The following IBA57 variants were observed in gnomAD, a reference collection of about 807,000 sequenced individuals.
The protein encoded by IBA57 is iron-sulfur cluster assembly factor IBA57, mitochondrial.
In IBA57, 20 loss-of-function variants were observed where a neutral mutation model predicts 20.4. That is an observed-to-expected ratio of 0.98 (90% CI 0.69 to 1.42). The LOEUF (loss-of-function observed/expected upper bound fraction) is 1.42, where lower values mean the gene tolerates loss of function less well. Ranked by LOEUF, IBA57 falls within the 40% of genes most tolerant of loss-of-function variation. The probability of loss-of-function intolerance (pLI) is 0.00; values close to 1 mark genes in which losing one functional copy is unlikely to be tolerated. For missense variants in IBA57, 608 were observed against 499.3 expected (o/e 1.22, Z -2.07); for synonymous variants, 310 against 233.9 (o/e 1.33, Z -2.97).
At chr1:228,174,635 C>T (rs2034977259) in intron 1 of IBA57, 57 bp from the exon 2 acceptor site, 3 of 1,436,744 alleles carry the variant, frequency 2.1e-6, no homozygotes, top group Non-Finnish European at 1.8e-6. Context: ...CTCATGCAGC[C>T]CTTTCTGGCC....
Position 228,174,491 on chromosome 1 carries a change from G to A in IBA57, c.342-201G>A, listed in dbSNP as rs1289061537. The A allele has an allele frequency of 4.7e-6, 2 of 425,008 alleles. 1 individual carries two copies. Among genetic ancestry groups the A allele is most frequent in the Admixed American group, 9.1e-5 (2 of 22,008 alleles). 26.3% of individuals were successfully genotyped at this position (425,008 alleles called of 1,614,324 possible). A position where few individuals can be genotyped will look rare whatever the true frequency, so the allele number is the denominator to read the frequency against. Reference sequence around the variant, plus strand: ...TGTGGGCGTGGCTCGCTGTGGGCGTGGCTCGCTGTGGGCGTGGCTCCCTGC... The same window carrying A: ...TGTGGGCGTGGCTCGCTGTGGGCGTAGCTCGCTGTGGGCGTGGCTCCCTGC... On this transcript the variant is annotated intron_variant, in intron 1 of 2. Coordinates refer to ENST00000366711, the MANE Select transcript of IBA57 (RefSeq NM_001010867.4).
At chr1:228,166,202 A>C in intron 1 of IBA57, 45 bp downstream of exon 1, 1 of 1,062,814 alleles carries the variant, frequency 9.4e-7, no homozygotes, top group Non-Finnish European at 1.2e-6. Context: ...CACCCAGGGG[A>C]GTGGCCAGGG....
In IBA57 at chr1:228,181,413, G is replaced by A. The variant is rs1046734961; in HGVS notation, c.*5900G>A. 6.6e-6 allele frequency: 1 copy of A among 152,312 alleles called. No homozygotes were observed. Among genetic ancestry groups the A allele is most frequent in the Non-Finnish European group, 1.5e-5 (1 of 68,134 alleles). 9.4% of individuals were successfully genotyped at this position (152,312 alleles called of 1,614,324 possible). A position where few individuals can be genotyped will look rare whatever the true frequency, so the allele number is the denominator to read the frequency against. ...TTCCCCAGGCCACAGACTCCATCAG[G>A]GCTCACCTGGAGCCGTCCCTGTCTC... On this transcript the variant is annotated 3_prime_UTR_variant, in exon 3 of 3. Coordinates refer to ENST00000366711, the MANE Select transcript of IBA57 (RefSeq NM_001010867.4).
At position 228,175,310 on chromosome 1, in the gene IBA57, A is replaced by G. The variant is rs1485782534; in HGVS notation, c.868A>G (p.Thr290Ala). 5.0e-6 allele frequency: 8 copies of G among 1,612,196 alleles called. No homozygotes were observed. Among genetic ancestry groups the G allele is most frequent in the South Asian group, 1.1e-5 (1 of 91,034 alleles). Residue 290 changes from threonine (T) to alanine (A), a missense_variant, in exon 3 of 3, where the codon ACC becomes GCC. Coordinates refer to ENST00000366711, the MANE Select transcript of IBA57 (RefSeq NM_001010867.4). ...TGTCCGGTTCTTGGACCCCCTTCCCACCAGTGGCATCACCCCTGGTGCCAC... is the reference window on the plus strand; with the variant it reads ...TGTCCGGTTCTTGGACCCCCTTCCCGCCAGTGGCATCACCCCTGGTGCCAC... ...FPVRFLDPLP[T>A]SGITPGATVL...
At position 228,180,161 on chromosome 1, in the gene IBA57, A is replaced by C. The variant is rs1426783790; in HGVS notation, c.*4648A>C. 7.1e-6 allele frequency: 1 copy of C among 141,360 alleles called. No homozygotes were observed. Among genetic ancestry groups the C allele is most frequent in the Non-Finnish European group, 1.5e-5 (1 of 65,700 alleles). The allele number at this position is 141,360 out of a possible 1,614,324, so 8.8% of individuals were successfully genotyped here. A position where few individuals can be genotyped will look rare whatever the true frequency, so the allele number is the denominator to read the frequency against. ...ATAGAATGAGACTCTGTCTCAAAAA[A>C]AAAAAAAAAAAAAAAAAAAAAAAGA... On this transcript the variant is annotated 3_prime_UTR_variant, in exon 3 of 3. Transcript: ENST00000366711.
chr1:228,173,454 T>G (rs2034955383), intron 1 of IBA57: 1 of 75,076 alleles, frequency 1.3e-5, no homozygotes, highest in South Asian at 4.9e-4. Context: ...CCACCATCCG[T>G]CTGGTCAGGG....
Position 228,174,567 on chromosome 1 carries a change from G to A in IBA57, c.342-125G>A, listed in dbSNP as rs985899912. 9.9e-6 allele frequency: 9 copies of A among 910,072 alleles called. No individual in the cohort carries two copies. In the African/African-American group the frequency reaches 1.4e-4, roughly 14 times the overall value. 56.4% of individuals were successfully genotyped at this position (910,072 alleles called of 1,614,324 possible). A position where few individuals can be genotyped will look rare whatever the true frequency, so the allele number is the denominator to read the frequency against. On this transcript the variant is annotated intron_variant, in intron 1 of 2. Transcript: ENST00000366711. ...AAAGGCGCAGCCCCTTGTGGCTGAG[G>A]GCAGAGCTCTTTGCGTTGGTCCACG... is the stretch of plus-strand genomic sequence containing the variant.
At position 228,175,871 on chromosome 1, in the gene IBA57, C is replaced by A. The variant is rs571433754; in HGVS notation, c.*358C>A. On this transcript the variant is annotated 3_prime_UTR_variant, in exon 3 of 3. Transcript: ENST00000366711. ...TTCCGGGCCTTGTACCCCACTCTGC[C>A]TGGCATGAGCCTCATGGGGGGTTGG... 4.5e-5 allele frequency: 9 copies of A among 199,056 alleles called. No homozygotes were observed. In the South Asian group the frequency reaches 1.3e-3, roughly 28 times the overall value. 12.3% of individuals were successfully genotyped at this position (199,056 alleles called of 1,614,324 possible).
rs2035092875 is a variant in IBA57 at position 228,180,497 on chromosome 1, A to G, written c.*4984A>G. 1 of 152,246 alleles carries G rather than the reference A, an allele frequency of 6.6e-6. No individual in the cohort carries two copies. Among genetic ancestry groups the G allele is most frequent in the Non-Finnish European group, 1.5e-5 (1 of 68,056 alleles). The allele number at this position is 152,246 out of a possible 1,614,324, so 9.4% of individuals were successfully genotyped here. A position where few individuals can be genotyped will look rare whatever the true frequency, so the allele number is the denominator to read the frequency against. On this transcript the variant is annotated 3_prime_UTR_variant, in exon 3 of 3. Transcript: ENST00000366711. ...TACTGGTCGGAAGGAGGGCACGGACACTGACTTCAGCATCTGTTACAAGGC... is the reference window on the plus strand; with the variant it reads ...TACTGGTCGGAAGGAGGGCACGGACGCTGACTTCAGCATCTGTTACAAGGC...
chr1:228,166,997 C>G (rs2034862687), intron 1 of IBA57, among the ~76,000 whole-genome samples: 1 of 152,154 alleles, frequency 6.6e-6, no homozygotes, highest in African/African-American at 2.4e-5. Context: ...AGTGGCTTTA[C>G]CTGATATCCT....
chr1:228,169,083 G>C (rs2034890997), intron 1 of IBA57, among the ~76,000 whole-genome samples: 1 of 152,078 alleles, frequency 6.6e-6, no homozygotes, highest in Non-Finnish European at 1.5e-5. Context: ...CAGTTCATGA[G>C]AGTGTAAACT....
At chr1:228,168,104 C>T (rs1198736785) in intron 1 of IBA57, among the ~76,000 whole-genome samples, 2 of 152,132 alleles carry the variant, frequency 1.3e-5, no homozygotes, top group Non-Finnish European at 2.9e-5. Context: ...TTTCCTTCAC[C>T]TCTGCCACCC....
intron 1 of IBA57, among the ~76,000 whole-genome samples, chr1:228,167,467 C>T (rs1242395032): frequency 6.6e-6 from 1 of 152,084 alleles, no homozygotes; most frequent in Non-Finnish European, 1.5e-5. Context: ...AGAGATTCTC[C>T]CGCCTCAGCC....
Position 228,166,020 on chromosome 1 carries a change from CT to C in IBA57, c.206del (p.Phe69SerfsTer3). On this transcript the variant is annotated frameshift_variant, in exon 1 of 3. Coordinates refer to ENST00000366711, the MANE Select transcript of IBA57 (RefSeq NM_001010867.4). LOFTEE classifies it high-confidence loss of function. ...GCGTGCGTGGCCCCGACGCGGCGCC[CT>C]TCCTGCTAGGGCTGCTGACCAATGA... Reference protein sequence around the residue: ...LRVRGPDAAPFLLGLLTNELP... With the variant: ...LRVRGPDAAPXLLGLLTNELP... 6.5e-7 allele frequency: 1 copy of C among 1,533,846 alleles called. No homozygotes were observed. The highest frequency in any genetic ancestry group is 8.7e-7 in the Non-Finnish European group (1 of 1,146,942).
At chr1:228,174,452 T>C (rs1244902704) in intron 1 of IBA57, 1 of 198,814 alleles carries the variant, frequency 5.0e-6, no homozygotes, top group Non-Finnish European at 8.8e-6. Flanking sequence ...TGGCTCGCTG[T>C]GGGCGTGGCT....
In IBA57 at chr1:228,175,197, G is replaced by T. The variant is rs759304048; in HGVS notation, c.755G>T (p.Gly252Val). Residue 252 changes from glycine (G) to valine (V), a missense_variant, in exon 3 of 3, where the codon GGC becomes GTC. Gly to Val is a moderately radical substitution (Grantham distance 109, BLOSUM62 -3). Transcript: ENST00000366711. Reference sequence around the variant, plus strand: ...GAGTCCAACCTGGCCTTCATGAACGGCGTGAGCTTCACCAAAGGCTGCTAC... The same window carrying T: ...GAGTCCAACCTGGCCTTCATGAACGTCGTGAGCTTCACCAAAGGCTGCTAC... The part of the protein sequence containing the change: ...PLESNLAFMN[G>V]VSFTKGCYIG... 1 of 1,612,906 alleles carries T rather than the reference G, an allele frequency of 6.2e-7. No homozygotes were observed. The highest frequency in any genetic ancestry group is 8.5e-7 in the Non-Finnish European group (1 of 1,179,972).
rs1399090993 is a variant in IBA57, at chr1:228,170,489, C to G, written c.342-4203C>G. Among the ~76,000 whole-genome samples, 1 of 152,016 alleles carries G rather than the reference C, an allele frequency of 6.6e-6. No individual in the cohort carries two copies. The highest frequency in any genetic ancestry group is 2.4e-5 in the African/African-American group (1 of 41,386). On this transcript the variant is annotated intron_variant, in intron 1 of 2. Transcript: ENST00000366711. The surrounding 1 kb of genome is among the most constrained non-coding windows in gnomAD (Gnocchi z 4.8). The stretch of plus-strand genomic sequence containing the variant: ...CCAGGACTACAGGTAGTTGAGGTCT[C>G]ACTATGTTGCTCGGGCTGGTCTTGA...
Position 228,165,965 on chromosome 1 carries a change from G to C in IBA57, c.149G>C (p.Cys50Ser). The change falls in exon 1 of 3, where the codon TGC (cysteine) becomes TCC (serine). Residue 50 changes from cysteine to serine, a missense_variant. By Grantham distance (112) the Cys-to-Ser change is moderately radical (BLOSUM62 -1). Coordinates refer to ENST00000366711, the MANE Select transcript of IBA57 (RefSeq NM_001010867.4). ...CCAACGGCCGGAGCGGCCTGGGCCT[G>C]CTTCCGGCTGGACGGGCGCACCCTG... The part of the protein sequence containing the change: ...GDPTAGAAWA[C>S]FRLDGRTLLR... 1 of 1,515,788 alleles carries C rather than the reference G, an allele frequency of 6.6e-7. No individual in the cohort carries two copies. The highest frequency in any genetic ancestry group is 8.8e-7 in the Non-Finnish European group (1 of 1,139,758). The allele number at this position is 1,515,788 out of a possible 1,614,324, so 93.9% of individuals were successfully genotyped here.
rs756955197 is a variant in IBA57, at chr1:228,179,058, TG to T, written c.*3548del. 1.5e-4 allele frequency: 23 copies of T among 150,616 alleles called. No homozygotes were observed. Among genetic ancestry groups the T allele is most frequent in the Non-Finnish European group, 3.1e-4 (21 of 67,828 alleles). 9.3% of individuals were successfully genotyped at this position (150,616 alleles called of 1,614,324 possible). On this transcript the variant is annotated 3_prime_UTR_variant, in exon 3 of 3. Transcript: ENST00000366711. Reference sequence around the variant, plus strand: ...CCTTATCTGTAAGGACTGGCTGGCCTGGGAGGGGCAGTCTCCCAGCCAGAAG... The same window carrying T: ...CCTTATCTGTAAGGACTGGCTGGCCTGGAGGGGCAGTCTCCCAGCCAGAAG...
Sources: gnomAD v4.1 joint callset for allele counts (sites outside exome capture counted in the v4.1 genomes callset) on GRCh38, gnomAD v4.1.1 for gene constraint, Gnocchi (gnomAD v3.1) non-coding constraint, MANE v1.5 for transcripts, NCBI Gene and HGNC (gene_info 2026-07-23, HGNC 2026-07-21) for gene names.